The following WWOX variants were observed in gnomAD, a reference collection of about 807,000 sequenced individuals.
WWOX encodes WW domain containing oxidoreductase.
In WWOX, 69 loss-of-function variants were observed where a neutral mutation model predicts 46.2. The ratio of observed to expected loss-of-function variants is 1.49; its 90% CI spans 1.23 to 1.82. The LOEUF (loss-of-function observed/expected upper bound fraction) is 1.82, where lower values mean the gene tolerates loss of function less well. Ranked by LOEUF, WWOX falls within the 40% of genes most tolerant of loss-of-function variation. The pLI is 0.00. For synonymous variants in WWOX, 359 were observed against 202.6 expected (o/e 1.77, Z -6.56); for missense variants, 919 against 542.6 (o/e 1.69, Z -6.89).
intron 5 of WWOX, among the ~76,000 whole-genome samples, chr16:78,273,819 A>G (rs552895863): frequency 1.2e-4 from 18 of 152,334 alleles, no homozygotes; most frequent in Middle Eastern, 3.4e-3. Flanking sequence ...TGTATTGTGT[A>G]GTGGAACCAT....
intron 8 of WWOX, among the ~76,000 whole-genome samples, chr16:78,522,856 G>T (rs182813501): frequency 6.6e-6 from 1 of 152,178 alleles, no homozygotes; most frequent in African/African-American, 2.4e-5. Context: ...TGGATCACTC[G>T]AGGTCAGGAG....
chr16:78,630,929 A>G (rs965264534), intron 8 of WWOX, among the ~76,000 whole-genome samples: 1 of 152,174 alleles, frequency 6.6e-6, no homozygotes, highest in Non-Finnish European at 1.5e-5. Flanking sequence ...ACAGATTAAA[A>G]GCATTCGAAC....
At chr16:78,379,280 C>T (rs2081899948) in intron 5 of WWOX, among the ~76,000 whole-genome samples, 1 of 152,190 alleles carries the variant, frequency 6.6e-6, no homozygotes, top group African/African-American at 2.4e-5. Context: ...GCCATCCAAT[C>T]AGCATCAATG....
chr16:78,515,844 C>G (rs1198765412), intron 8 of WWOX, among the ~76,000 whole-genome samples: 1 of 152,202 alleles, frequency 6.6e-6, no homozygotes, highest in Non-Finnish European at 1.5e-5. Context: ...CAATAACATT[C>G]TCCAATCTTG....
intron 5 of WWOX, among the ~76,000 whole-genome samples, chr16:78,240,848 A>T (rs181073411): frequency 9.8e-4 from 149 of 152,330 alleles, no homozygotes; most frequent in African/African-American, 3.3e-3. Context: ...AGAAGCGTTG[A>T]GTAAATGGGT....
intron 8 of WWOX, among the ~76,000 whole-genome samples, chr16:79,126,599 G>C (rs780010653): frequency 6.6e-6 from 1 of 152,162 alleles, no homozygotes. Context: ...ATGTGAAACG[G>C]TGAGTCAATT....
intron 8 of WWOX, among the ~76,000 whole-genome samples, chr16:78,696,115 G>T (rs774424496): frequency 7.9e-5 from 12 of 152,196 alleles, no homozygotes; most frequent in African/African-American, 2.9e-4. Flanking sequence ...GGAAACATAG[G>T]AGAGAAGCCA....
intron 8 of WWOX, among the ~76,000 whole-genome samples, chr16:78,796,704 G>C (rs1416563208): frequency 1.3e-5 from 2 of 152,172 alleles, no homozygotes; most frequent in Admixed American, 6.5e-5. Flanking sequence ...TATTAGAAAG[G>C]GCCCTGCCTG....
intron 5 of WWOX, among the ~76,000 whole-genome samples, chr16:78,347,288 C>T (rs2081109972): frequency 8.6e-6 from 1 of 116,348 alleles, no homozygotes; most frequent in Admixed American, 8.5e-5. Flanking sequence ...GCCAATGCTC[C>T]TTCCCCTGTA....
chr16:78,770,879 A>G (rs924842228), intron 8 of WWOX, among the ~76,000 whole-genome samples: 1 of 152,250 alleles, frequency 6.6e-6, no homozygotes, highest in African/African-American at 2.4e-5. Context: ...ACCGATGCTA[A>G]TCAGTGCTAT....
At chr16:78,612,614 G>T (rs188132312) in intron 8 of WWOX, among the ~76,000 whole-genome samples, 1 of 152,172 alleles carries the variant, frequency 6.6e-6, no homozygotes, top group African/African-American at 2.4e-5. Context: ...TAGGACTACA[G>T]TTGTGCACTA....
intron 8 of WWOX, among the ~76,000 whole-genome samples, chr16:79,106,452 A>C (rs895491088): frequency 2.0e-5 from 3 of 152,112 alleles, no homozygotes; most frequent in African/African-American, 7.2e-5. Flanking sequence ...TTCTGGGATG[A>C]ATCTGGGGAC....
intron 5 of WWOX, among the ~76,000 whole-genome samples, chr16:78,353,024 G>T (rs532278254): frequency 6.6e-6 from 1 of 152,216 alleles, no homozygotes; most frequent in East Asian, 1.9e-4. Flanking sequence ...TAATTTATTC[G>T]TCTTTCTTCT....
At chr16:79,210,348 C>T (rs541279765) in intron 8 of WWOX, among the ~76,000 whole-genome samples, 11 of 152,278 alleles carry the variant, frequency 7.2e-5, no homozygotes, top group African/African-American at 2.4e-4. Context: ...CCCAGGGATC[C>T]TAGAATGCAA....
chr16:79,026,430 C>G (rs1451123980), intron 8 of WWOX, among the ~76,000 whole-genome samples: 3 of 151,576 alleles, frequency 2.0e-5, no homozygotes, highest in Admixed American at 6.6e-5. Flanking sequence ...GCTGTGGACT[C>G]TCTGGGAACT....
chr16:78,894,889 G>A (rs1597117877), intron 8 of WWOX, among the ~76,000 whole-genome samples: 2 of 152,094 alleles, frequency 1.3e-5, no homozygotes, highest in Admixed American at 1.3e-4. Context: ...CTCAGTTCTC[G>A]GAATTTTCAA....
intron 8 of WWOX, among the ~76,000 whole-genome samples, chr16:79,129,877 C>T (rs1487142069): frequency 6.6e-6 from 1 of 152,182 alleles, no homozygotes; most frequent in African/African-American, 2.4e-5. Flanking sequence ...AGGGGTCAGG[C>T]TCCCTGGAGT....
At chr16:79,021,205 A>C (rs1373758199) in intron 8 of WWOX, among the ~76,000 whole-genome samples, 1 of 152,216 alleles carries the variant, frequency 6.6e-6, no homozygotes, top group African/African-American at 2.4e-5. Context: ...ATCTACATGC[A>C]GTAAAATAGT....
At chr16:78,800,850 G>C (rs982583446) in intron 8 of WWOX, among the ~76,000 whole-genome samples, 2 of 152,134 alleles carry the variant, frequency 1.3e-5, no homozygotes, top group Non-Finnish European at 2.9e-5. Flanking sequence ...TTGACAGATT[G>C]TGGTCAGTCA....
Sources: gnomAD v4.1 joint callset for allele counts (sites outside exome capture counted in the v4.1 genomes callset) on GRCh38, gnomAD v4.1.1 for gene constraint, MANE v1.5 for transcripts, NCBI Gene and HGNC (gene_info 2026-07-23, HGNC 2026-07-21) for gene names.